The following HMGN5 variants were observed in gnomAD, a reference collection of about 807,000 sequenced individuals.
HMGN5 encodes high mobility group nucleosome-binding domain-containing protein 5.
Under a neutral mutation model 9.5 loss-of-function variants are expected in HMGN5, and 4 were observed. That is an observed-to-expected ratio of 0.42 (90% CI 0.21 to 0.96). The LOEUF is 0.96. Among genes scored for constraint, HMGN5 ranks in the 40% least tolerant of loss-of-function variants. HMGN5 has a pLI of 0.30. For synonymous variants in HMGN5, 55 were observed against 57.1 expected (o/e 0.96, Z 0.16); for missense variants, 192 against 187.5 (o/e 1.02, Z -0.14).
intron 1 of HMGN5, among the ~76,000 whole-genome samples, chrX:81,189,234 C>T (rs898799854): frequency 6.2e-5 from 7 of 112,184 alleles, no homozygotes; most frequent in Non-Finnish European, 1.1e-4. Flanking sequence ...CTTTCTCTAC[C>T]TATTCTTGAA....
intron 1 of HMGN5, among the ~76,000 whole-genome samples, chrX:81,198,474 C>T (rs969986920): frequency 3.6e-5 from 4 of 110,877 alleles, no homozygotes; most frequent in African/African-American, 1.3e-4. Flanking sequence ...TGTGAAAATC[C>T]TCAGTAAAAT....
At chrX:81,140,591 C>A (rs1194907533) in intron 1 of HMGN5, among the ~76,000 whole-genome samples, 1 of 101,586 alleles carries the variant, frequency 9.8e-6, no homozygotes. Context: ...AAAAGACAGA[C>A]TCAGTCTGTC....
intron 1 of HMGN5, among the ~76,000 whole-genome samples, chrX:81,183,468 G>T (rs1374375130): frequency 8.9e-6 from 1 of 112,635 alleles, no homozygotes; most frequent in Non-Finnish European, 1.9e-5. Context: ...TGGCTTAAAA[G>T]GGGCCCAGAT....
chrX:81,124,038 A>G (rs185282616), intron 1 of HMGN5, among the ~76,000 whole-genome samples: 64 of 112,476 alleles, frequency 5.7e-4, no homozygotes, highest in Middle Eastern at 4.6e-3. Context: ...GGTAAAGCTT[A>G]GAGAAGCAAA....
intron 1 of HMGN5, among the ~76,000 whole-genome samples, chrX:81,155,102 T>TATATAC (rs1407923805): frequency 2.2e-5 from 2 of 91,059 alleles, no homozygotes; most frequent in African/African-American, 8.0e-5. Flanking sequence ...TATATATATA[T>TATATAC]ACACACACAC....
At chrX:81,152,324 A>T (rs1240433711) in intron 1 of HMGN5, among the ~76,000 whole-genome samples, 4 of 112,113 alleles carry the variant, frequency 3.6e-5, no homozygotes, top group Non-Finnish European at 7.5e-5. Flanking sequence ...CCCATCAAAA[A>T]GTCGGCAAAG....
Position 81,114,532 on chromosome X carries a change from TAAATC to T in HMGN5, c.*112_*116del. 1 of 659,643 alleles carries T rather than the reference TAAATC, an allele frequency of 1.5e-6. No individual in the cohort carries two copies. Among genetic ancestry groups the T allele is most frequent in the Non-Finnish European group, 2.1e-6 (1 of 482,952 alleles). 54.4% of individuals were successfully genotyped at this position (659,643 alleles called of 1,213,427 possible). ...AATCAATATGAAGATGTTCTGAAAT[TAAATC>T]AATGCTAAAGAAAGGCTGTGTTTAT... On this transcript the variant is annotated 3_prime_UTR_variant, in exon 7 of 7. Transcript: ENST00000358130.
At chrX:81,136,429 A>G (rs1405103092) in intron 1 of HMGN5, among the ~76,000 whole-genome samples, 1 of 111,828 alleles carries the variant, frequency 8.9e-6, no homozygotes, top group African/African-American at 3.2e-5. Context: ...CCTTAATGTA[A>G]GTATGGTTTC....
In HMGN5 at chrX:81,159,327, A is replaced by G. The variant is rs935914489; in HGVS notation, c.-123-37655T>C. Among the ~76,000 whole-genome samples the G allele has an allele frequency of 2.7e-5, 3 of 111,207 alleles. No homozygotes were observed. The East Asian group carries it at 8.4e-4, about 31-fold the overall frequency. ...GATGAGTTGATAGGTGCAGCAAACC[A>G]CCATGGCACACTTTCACCTATGTAA... On this transcript the variant is annotated intron_variant, in intron 1 of 6. Transcript: ENST00000358130.
At chrX:81,125,037 C>G (rs1056977758) in intron 1 of HMGN5, among the ~76,000 whole-genome samples, 1 of 109,919 alleles carries the variant, frequency 9.1e-6, no homozygotes, top group Non-Finnish European at 1.9e-5. Context: ...GAATGCTAAA[C>G]AGCCAAGATA....
intron 1 of HMGN5, among the ~76,000 whole-genome samples, chrX:81,122,927 GGTT>G (rs1233284911): frequency 9.0e-6 from 1 of 110,982 alleles, no homozygotes; most frequent in East Asian, 2.8e-4. Context: ...GCCTTGATGT[GGTT>G]GTTGTAAGAG....
At position 81,201,872 on chromosome X, in the gene HMGN5, C is replaced by T. The variant is rs981810915; in HGVS notation, c.-259G>A. 21 of 269,497 alleles carry T rather than the reference C, an allele frequency of 7.8e-5. No individual in the cohort carries two copies. The highest frequency in any genetic ancestry group is 6.1e-4 in the African/African-American group (21 of 34,624). The allele number at this position is 269,497 out of a possible 1,213,427, so 22.2% of individuals were successfully genotyped here. On this transcript the variant is annotated 5_prime_UTR_variant, in exon 1 of 7. Coordinates refer to ENST00000358130, the MANE Select transcript of HMGN5 (RefSeq NM_030763.3). The stretch of plus-strand genomic sequence containing the variant: ...AATTCAGTTCTCCTTTTTCTTTCTT[C>T]TTCTCCTCGCCCTCTTCTCAGGGAA...
At chrX:81,176,578 AG>A (rs1431712934) in intron 1 of HMGN5, among the ~76,000 whole-genome samples, 1 of 111,890 alleles carries the variant, frequency 8.9e-6, no homozygotes, top group African/African-American at 3.3e-5. Flanking sequence ...TAAACAGTGT[AG>A]AGAAGACCTT....
intron 1 of HMGN5, among the ~76,000 whole-genome samples, chrX:81,171,890 G>T (rs2075426699): frequency 9.0e-6 from 1 of 110,987 alleles, no homozygotes; most frequent in African/African-American, 3.3e-5. Flanking sequence ...GAAAATATTT[G>T]AAATAAGTGA....
intron 1 of HMGN5, among the ~76,000 whole-genome samples, chrX:81,155,064 A>C (rs935194664): frequency 2.2e-5 from 2 of 90,032 alleles, no homozygotes; most frequent in Non-Finnish European, 4.2e-5. Flanking sequence ...AAAGGATATC[A>C]GTATATATCA....
chrX:81,184,402 T>C (rs1173427711), intron 1 of HMGN5, among the ~76,000 whole-genome samples: 3 of 111,795 alleles, frequency 2.7e-5, no homozygotes, highest in Non-Finnish European at 5.6e-5. Flanking sequence ...TCATGCTTCC[T>C]GTATGGCCTT....
chrX:81,182,432 G>A (rs189664135), intron 1 of HMGN5, among the ~76,000 whole-genome samples: 217 of 111,878 alleles, frequency 1.9e-3, no homozygotes, highest in Middle Eastern at 9.2e-3. Flanking sequence ...TTGGAAGTGG[G>A]GCCTGGTGGC....
intron 1 of HMGN5, among the ~76,000 whole-genome samples, chrX:81,181,087 A>G (rs965482242): frequency 1.8e-5 from 2 of 110,777 alleles, no homozygotes; most frequent in African/African-American, 6.6e-5. Flanking sequence ...TAGGAGATAT[A>G]TCTAATGTAA....
intron 1 of HMGN5, among the ~76,000 whole-genome samples, chrX:81,156,305 A>C (rs28630887): frequency 0.033 from 3,714 of 112,062 alleles, 158 homozygotes; most frequent in African/African-American, 0.11. Context: ...CAAGGTATGG[A>C]CAGAAGTGAA....
Sources: allele counts gnomAD v4.1 joint callset (sites outside exome capture counted in the v4.1 genomes callset), GRCh38; gene constraint gnomAD v4.1.1; transcripts MANE v1.5; gene names NCBI Gene and HGNC (gene_info 2026-07-23, HGNC 2026-07-21).